AGAP5: variants seen among roughly 807,000 people sequenced by gnomAD.
The protein encoded by AGAP5 is arf-GAP with GTPase, ANK repeat and PH domain-containing protein 5.
AGAP5 carries 8 observed loss-of-function variants against 27.7 expected under a neutral mutation model. The observed-to-expected ratio is 0.29, with a 90% CI of 0.17 to 0.52. The LOEUF is 0.52. Ranked by LOEUF, AGAP5 falls within the 20% of genes least tolerant of loss-of-function variation. The probability of loss-of-function intolerance (pLI) is 0.97; values close to 1 mark genes in which losing one functional copy is unlikely to be tolerated. For missense variants in AGAP5, 285 were observed against 880.8 expected, an observed-to-expected ratio of 0.32 and a Z score of 8.56; for synonymous variants, 111 against 338.0, an observed-to-expected ratio of 0.33 and a Z score of 7.37.
Position 73,697,746 on chromosome 10 carries a change from T to A in AGAP5, c.10A>T (p.Ile4Leu), listed in dbSNP as rs755600755. The change falls in exon 1 of 8, where the codon ATA becomes TTA. Residue 4 changes from isoleucine to leucine, a missense_variant. Coordinates refer to ENST00000374094, the MANE Select transcript of AGAP5 (RefSeq NM_001144000.4). ...CTAGGGTGCACACAACAGGTCAGTA[T>A]GTTCCCCATGGGGCGCCTCTACTGT... MGNILTCCVHPSVS... is the reference protein window; with the variant it reads MGNLLTCCVHPSVS... 2 of 1,597,702 alleles carry A rather than the reference T, an allele frequency of 1.3e-6. No homozygotes were observed. The highest frequency in any genetic ancestry group is 1.7e-6 in the Non-Finnish European group (2 of 1,179,784).
chr10:73,690,369 C>T (rs572985755), intron 4 of AGAP5, among the ~76,000 whole-genome samples: 2 of 152,154 alleles, frequency 1.3e-5, no homozygotes, highest in African/African-American at 4.8e-5. Flanking sequence ...GGATTAAGGG[C>T]GGTGCCAAGA....
rs1476713501 is a variant in AGAP5, at chr10:73,697,690, C to T, written c.66G>A (p.Gly22=). ...TCTCAGATTCAGAGGGACACACCGA[C>T]CCCTGTTGCTGGTCAAACTCGAGGC... is the stretch of plus-strand genomic sequence containing the variant. ...SVSLEFDQQQ[G]SVCPSESEIY... is the part of the protein sequence containing the mutation. Residue 22 remains glycine, a synonymous_variant, in exon 1 of 8, where the codon GGG becomes GGA. Transcript: ENST00000374094. 8.1e-6 allele frequency: 13 copies of T among 1,598,808 alleles called. No homozygotes were observed. Among genetic ancestry groups the T allele is most frequent in the Middle Eastern group, 2.1e-4 (1 of 4,802 alleles).
At chr10:73,686,133 T>C in intron 4 of AGAP5, among the ~76,000 whole-genome samples, 1 of 152,156 alleles carries the variant, frequency 6.6e-6, no homozygotes, top group Non-Finnish European at 1.5e-5. Context: ...TCTGGAGGCA[T>C]GACATTACCT....
intron 6 of AGAP5, among the ~76,000 whole-genome samples, chr10:73,679,355 G>T (rs2082006545): frequency 6.6e-6 from 1 of 151,668 alleles, no homozygotes; most frequent in Admixed American, 6.6e-5. Flanking sequence ...GTAGAGACGG[G>T]GTTTCGCCGT....
At chr10:73,690,888 C>G (rs2082111907) in intron 4 of AGAP5, among the ~76,000 whole-genome samples, 1 of 152,164 alleles carries the variant, frequency 6.6e-6, no homozygotes. Flanking sequence ...GAAACCCACG[C>G]TATATTGAAC....
intron 4 of AGAP5, among the ~76,000 whole-genome samples, chr10:73,691,216 C>T (rs1046891129): frequency 1.3e-5 from 2 of 152,156 alleles, no homozygotes; most frequent in African/African-American, 4.8e-5. Context: ...GTTTCAGAGA[C>T]AGGATGAAGG....
chr10:73,694,253 A>C (rs1485683816), intron 3 of AGAP5, among the ~76,000 whole-genome samples: 2 of 152,168 alleles, frequency 1.3e-5, no homozygotes, highest in Non-Finnish European at 2.9e-5. Flanking sequence ...GGATGTGGTA[A>C]ATGAATGTGG....
intron 5 of AGAP5, chr10:73,681,494 C>T (rs2082024771): frequency 1.1e-6 from 1 of 950,162 alleles, no homozygotes; most frequent in Admixed American, 6.2e-5. Flanking sequence ...TTCAAAATAT[C>T]TTCTTGAAGC....
Position 73,694,934 on chromosome 10 carries a change from G to A in AGAP5, c.293-130C>T, listed in dbSNP as rs543267830. 113 of 1,523,554 alleles carry A rather than the reference G, an allele frequency of 7.4e-5. No homozygotes were observed. The African/African-American group carries it at 1.1e-3, about 14-fold the overall frequency. 94.4% of individuals were successfully genotyped at this position (1,523,554 alleles called of 1,614,324 possible). A position where few individuals can be genotyped will look rare whatever the true frequency, so the allele number is the denominator to read the frequency against. On this transcript the variant is annotated intron_variant, in intron 2 of 7. Coordinates refer to ENST00000374094, the MANE Select transcript of AGAP5 (RefSeq NM_001144000.4). ...TTGATTCTTATACATTGAAATGAAT[G>A]TATAGACATAAGATAGAGCCAGGCA...
chr10:73,685,681 T>C (rs2082057426), intron 4 of AGAP5, among the ~76,000 whole-genome samples: 1 of 151,258 alleles, frequency 6.6e-6, no homozygotes, highest in African/African-American at 2.4e-5. Context: ...GCCACCAGAG[T>C]AGATGGGATT....
intron 4 of AGAP5, among the ~76,000 whole-genome samples, chr10:73,689,133 C>T (rs1397160670): frequency 2.0e-5 from 3 of 151,164 alleles, no homozygotes; most frequent in Admixed American, 1.3e-4. Flanking sequence ...ATTGCAGGCG[C>T]GCGCCGCCAC....
intron 1 of AGAP5, 99 bp downstream of exon 1, chr10:73,697,434 C>A: frequency 6.3e-7 from 1 of 1,596,980 alleles, no homozygotes; most frequent in Non-Finnish European, 8.5e-7. Context: ...TGGCTACAAG[C>A]AGAAAGGAGC....
In AGAP5 at chr10:73,674,502, T is replaced by C. The variant is rs202243926; in HGVS notation, c.*97A>G. On this transcript the variant is annotated 3_prime_UTR_variant, in exon 8 of 8. Coordinates refer to ENST00000374094, the MANE Select transcript of AGAP5 (RefSeq NM_001144000.4). ...TGAAAAGTACTGAAAATGCTATTAC[T>C]AGCTGAATTTGTGATTTCCTTTTGA... 1 of 1,579,158 alleles carries C rather than the reference T, an allele frequency of 6.3e-7. No individual in the cohort carries two copies. Among genetic ancestry groups the C allele is most frequent in the African/African-American group, 1.4e-5 (1 of 73,140 alleles).
intron 5 of AGAP5, among the ~76,000 whole-genome samples, chr10:73,680,588 T>TG (rs2082017299): frequency 2.6e-5 from 3 of 114,194 alleles, no homozygotes; most frequent in Middle Eastern, 7.8e-3. Flanking sequence ...CAGATAATTT[T>TG]TTTTGGGGGG....
chr10:73,691,089 T>C (rs1305570076), intron 4 of AGAP5, among the ~76,000 whole-genome samples: 2 of 152,128 alleles, frequency 1.3e-5, no homozygotes, highest in African/African-American at 4.8e-5. Flanking sequence ...AAATAATGGA[T>C]GTGAAAGCAA....
At position 73,686,874 on chromosome 10, in the gene AGAP5, G is replaced by A. The variant is rs142739921; in HGVS notation, c.397-4080C>T. ...ACTATTATTCTAAGTGAAATAACTC[G>A]GCATGGAAAACCAAATATCATGTTC... On this transcript the variant is annotated intron_variant, in intron 4 of 7. Transcript: ENST00000374094. Among the ~76,000 whole-genome samples the A allele has an allele frequency of 6.1e-3, 935 of 152,164 alleles. 3 individuals are homozygous for A. Among genetic ancestry groups the A allele is most frequent in the African/African-American group, 0.022 (908 of 41,490 alleles).
At chr10:73,681,437 C>T (rs2082024088) in intron 5 of AGAP5, 1 of 985,314 alleles carries the variant, frequency 1.0e-6, no homozygotes, top group Non-Finnish European at 1.2e-6. Flanking sequence ...GCGAGTGCCA[C>T]CTATCCCACT....
rs201154593 is a variant in AGAP5, at chr10:73,689,826, G to A, written c.396+2217C>T. Among the ~76,000 whole-genome samples, 627 of 150,928 alleles carry A rather than the reference G, an allele frequency of 4.2e-3. 14 individuals carry two copies. The East Asian group carries it at 0.048, about 12-fold the overall frequency. ...TGTCTGGGAAGTGAGGAGCGTCTCC[G>A]CCTGGCAGCCACCCCATCCAGGAGG... On this transcript the variant is annotated intron_variant, in intron 4 of 7. Coordinates refer to ENST00000374094, the MANE Select transcript of AGAP5 (RefSeq NM_001144000.4).
chr10:73,695,673 T>G (rs1239172372), intron 2 of AGAP5, among the ~76,000 whole-genome samples: 1 of 152,304 alleles, frequency 6.6e-6, no homozygotes, highest in Non-Finnish European at 1.5e-5. Context: ...AAAGTCACAC[T>G]CATAATGAGT....
Sources: allele counts gnomAD v4.1 joint callset (sites outside exome capture counted in the v4.1 genomes callset), GRCh38; gene constraint gnomAD v4.1.1; transcripts MANE v1.5; gene names NCBI Gene and HGNC (gene_info 2026-07-23, HGNC 2026-07-21).